SGCD: variants seen among roughly 807,000 people sequenced by gnomAD.
SGCD encodes delta-sarcoglycan.
In SGCD, 18 loss-of-function variants were observed where a neutral mutation model predicts 36.6. The ratio of observed to expected loss-of-function variants is 0.49; its 90% CI spans 0.34 to 0.73. The LOEUF (loss-of-function observed/expected upper bound fraction) is 0.73. SGCD is among the 30% of genes least tolerant of loss of function. SGCD has a pLI of 0.01. For synonymous variants in SGCD, 133 were observed against 130.6 expected (o/e 1.02, Z -0.12); for missense variants, 387 against 346.7 (o/e 1.12, Z -0.92).
chr5:156,211,636 A>G (rs1479841002), intron 3 of SGCD, among the ~76,000 whole-genome samples: 1 of 151,952 alleles, frequency 6.6e-6, no homozygotes, highest in East Asian at 1.9e-4. Context: ...ATGCAAGAAA[A>G]CAGTGATAAT....
chr5:156,376,366 T>C (rs981371394), intron 3 of SGCD, among the ~76,000 whole-genome samples: 3 of 152,194 alleles, frequency 2.0e-5, no homozygotes, highest in African/African-American at 7.2e-5. Context: ...TCATGACTGA[T>C]GGAAGAGGGG....
At chr5:156,229,434 C>T (rs1176943783) in intron 3 of SGCD, among the ~76,000 whole-genome samples, 1 of 150,922 alleles carries the variant, frequency 6.6e-6, no homozygotes, top group East Asian at 1.9e-4. Flanking sequence ...AGCTTAGTTT[C>T]ACTGGATACA....
chr5:156,396,085 AC>A (rs1393682729), intron 3 of SGCD, among the ~76,000 whole-genome samples: 1 of 152,144 alleles, frequency 6.6e-6, no homozygotes, highest in Non-Finnish European at 1.5e-5. Flanking sequence ...GGGTAACTGA[AC>A]CCTTTTTATG....
chr5:156,607,837 G>A (rs1398067963), intron 6 of SGCD, among the ~76,000 whole-genome samples: 2 of 152,168 alleles, frequency 1.3e-5, no homozygotes, highest in African/African-American at 2.4e-5. Flanking sequence ...TTGTGTAGAG[G>A]TGTTTATATT....
intron 1 of SGCD, among the ~76,000 whole-genome samples, chr5:156,099,713 C>CTTTTTTATTTAATCCTTTA (rs1466751600): frequency 6.6e-6 from 1 of 152,084 alleles, no homozygotes; most frequent in Non-Finnish European, 1.5e-5. Flanking sequence ...CTGTGCTCGG[C>CTTTTTTATTTAATCCTTTA]CTATTTAATC....
chr5:156,737,736 C>G (rs1410923347), intron 7 of SGCD, among the ~76,000 whole-genome samples: 1 of 152,146 alleles, frequency 6.6e-6, no homozygotes, highest in African/African-American at 2.4e-5. Context: ...ATATGGCAGG[C>G]AGTATACTTA....
At chr5:156,371,721 A>G (rs906049815) in intron 3 of SGCD, among the ~76,000 whole-genome samples, 1 of 152,222 alleles carries the variant, frequency 6.6e-6, no homozygotes, top group Non-Finnish European at 1.5e-5. Flanking sequence ...TGAGTTGTCC[A>G]TTAGACTTGT....
At chr5:156,305,714 A>G (rs1037041995) in intron 3 of SGCD, among the ~76,000 whole-genome samples, 1 of 152,128 alleles carries the variant, frequency 6.6e-6, no homozygotes, top group Non-Finnish European at 1.5e-5. Flanking sequence ...AAAGATGCAC[A>G]CTCAATGCTA....
intron 3 of SGCD, among the ~76,000 whole-genome samples, chr5:156,272,626 T>C (rs1766210124): frequency 6.6e-6 from 1 of 152,242 alleles, no homozygotes. Flanking sequence ...AGCTGAAACA[T>C]GCCTTTTCTC....
chr5:156,078,047 G>A (rs1760837526), intron 1 of SGCD, among the ~76,000 whole-genome samples: 1 of 152,046 alleles, frequency 6.6e-6, no homozygotes, highest in South Asian at 2.1e-4. Context: ...ATAACAAAAA[G>A]AATCCCTTCT....
At chr5:156,641,041 A>C (rs1015085881) in intron 6 of SGCD, among the ~76,000 whole-genome samples, 1 of 152,164 alleles carries the variant, frequency 6.6e-6, no homozygotes, top group African/African-American at 2.4e-5. Flanking sequence ...CTCGTTGATC[A>C]CTCAGTTCAT....
At chr5:156,476,023 C>A (rs1209628340) in intron 3 of SGCD, among the ~76,000 whole-genome samples, 1 of 152,148 alleles carries the variant, frequency 6.6e-6, no homozygotes, top group African/African-American at 2.4e-5. Context: ...CTTGCCGTGG[C>A]TGAGGGTAAC....
intron 6 of SGCD, among the ~76,000 whole-genome samples, chr5:156,607,553 G>A (rs1213507512): frequency 6.6e-6 from 1 of 152,178 alleles, no homozygotes; most frequent in Non-Finnish European, 1.5e-5. Context: ...GGATGATGCT[G>A]GACTCATCAA....
At chr5:155,764,902 A>G in the SGCD span, among the ~76,000 whole-genome samples, 1 of 152,176 alleles carries the variant, frequency 6.6e-6, no homozygotes, top group Non-Finnish European at 1.5e-5. Flanking sequence ...TACATTCTCA[A>G]CTTCAACTGA....
intron 7 of SGCD, among the ~76,000 whole-genome samples, chr5:156,716,856 G>A (rs1755245693): frequency 6.6e-6 from 1 of 152,150 alleles, no homozygotes; most frequent in African/African-American, 2.4e-5. Context: ...GTGGAACAGA[G>A]AAGCTCTTTA....
intron 4 of SGCD, among the ~76,000 whole-genome samples, chr5:156,521,402 T>C (rs1449543216): frequency 6.6e-6 from 1 of 152,008 alleles, no homozygotes; most frequent in Admixed American, 6.5e-5. Context: ...GAAACTATCA[T>C]CAGAGCAAAC....
the SGCD span, among the ~76,000 whole-genome samples, chr5:155,766,889 C>A: frequency 6.6e-6 from 1 of 152,074 alleles, no homozygotes; most frequent in Non-Finnish European, 1.5e-5. Flanking sequence ...AGAGTCGATG[C>A]TCTTAGTGGA....
the SGCD span, among the ~76,000 whole-genome samples, chr5:155,742,006 TTACTTTGGAA>T: frequency 1.3e-5 from 2 of 152,146 alleles, no homozygotes; most frequent in East Asian, 3.9e-4. Context: ...TTTTTCGGGT[TTACTTTGGAA>T]TGCCCTTGGC....
chr5:156,523,175 A>G (rs1757484745), intron 4 of SGCD, among the ~76,000 whole-genome samples: 1 of 152,170 alleles, frequency 6.6e-6, no homozygotes, highest in Admixed American at 6.5e-5. Context: ...ATACCCAGCT[A>G]AATTTAGAAC....
Sources: gnomAD v4.1 joint callset for allele counts (sites outside exome capture counted in the v4.1 genomes callset) on GRCh38, gnomAD v4.1.1 for gene constraint, MANE v1.5 for transcripts, NCBI Gene and HGNC (gene_info 2026-07-23, HGNC 2026-07-21) for gene names.